LRPPRC: variants seen among roughly 807,000 people sequenced by gnomAD.
LRPPRC encodes leucine-rich PPR motif-containing protein, mitochondrial.
LRPPRC carries 120 observed loss-of-function variants against 180.3 expected under a neutral mutation model. The observed-to-expected ratio is 0.67, with a 90% CI of 0.57 to 0.77. The LOEUF (loss-of-function observed/expected upper bound fraction) is 0.77, where lower values mean the gene tolerates loss of function less well. Among genes scored for constraint, LRPPRC ranks in the 30% least tolerant of loss-of-function variants. LRPPRC has a pLI of 0.00. For synonymous variants in LRPPRC, 723 were observed against 600.0 expected, an observed-to-expected ratio of 1.21 and a Z score of -3.00; for missense variants, 2,012 against 1,657.2, an observed-to-expected ratio of 1.21 and a Z score of -3.72.
chr2:43,945,458 T>C, intron 21 of LRPPRC, 41 bp from the exon 22 acceptor site: 1 of 1,135,186 alleles, frequency 8.8e-7, no homozygotes, highest in Non-Finnish European at 1.3e-6. Context: ...TAAAAGTCAA[T>C]TAACTGCTAA....
intron 23 of LRPPRC, among the ~76,000 whole-genome samples, chr2:43,941,112 T>G (rs1022338993): frequency 1.3e-5 from 2 of 152,338 alleles, no homozygotes; most frequent in South Asian, 2.1e-4. Context: ...GGATTTCCCT[T>G]GGCAAATGAA....
At chr2:43,995,672 G>A (rs539241944) in intron 1 of LRPPRC, 127 bp downstream of exon 1, 1 of 908,602 alleles carries the variant, frequency 1.1e-6, no homozygotes, top group African/African-American at 1.8e-5. Flanking sequence ...GCGGAGCCCG[G>A]GGAGGCTAGG....
chr2:43,995,685 C>T lies in LRPPRC; in HGVS notation c.149+114G>A, dbSNP rs559282140. The T allele has an allele frequency of 2.8e-6, 3 of 1,072,274 alleles. No individual in the cohort carries two copies. In the East Asian group the frequency reaches 9.7e-5, roughly 35 times the overall value. The allele number at this position is 1,072,274 out of a possible 1,614,324, so 66.4% of individuals were successfully genotyped here. A position where few individuals can be genotyped will look rare whatever the true frequency, so the allele number is the denominator to read the frequency against. The stretch of plus-strand genomic sequence containing the variant: ...GTGCGGAGCCCGGGGAGGCTAGGTC[C>T]TGGGGCGGGGAGAAGGGTGGCGAGC... On this transcript the variant is annotated intron_variant, in intron 1 of 37. Transcript: ENST00000260665.
Position 43,960,586 on chromosome 2 carries a change from T to C in LRPPRC, c.1537A>G (p.Arg513Gly), listed in dbSNP as rs113363924. Residue 513 changes from arginine to glycine, a missense_variant, in exon 13 of 38, where the codon AGA becomes GGA. Physicochemically the swap from Arg to Gly is moderately radical, Grantham distance 125 (BLOSUM62 -2). Transcript: ENST00000260665. ...AAGTTCCCATTTGCTGCTTCACTTC[T>C]CAATCCAGCTTGAGAAAACATATCA... is the stretch of plus-strand genomic sequence containing the variant. Reference protein sequence around the residue: ...DSDMFSQAGLRSEAANGNLDF... With the variant: ...DSDMFSQAGLGSEAANGNLDF... 6.2e-7 allele frequency: 1 copy of C among 1,607,314 alleles called. No individual in the cohort carries two copies. Among genetic ancestry groups the C allele is most frequent in the South Asian group, 1.1e-5 (1 of 90,986 alleles).
chr2:43,947,151 CAT>C, intron 20 of LRPPRC, 104 bp downstream of exon 20: 2 of 619,504 alleles, frequency 3.2e-6, no homozygotes, highest in East Asian at 5.6e-5. Flanking sequence ...ACAAGCCTGA[CAT>C]ATAACGATCA....
chr2:43,991,038 T>TC (rs1674755681), intron 1 of LRPPRC, among the ~76,000 whole-genome samples: 1 of 150,758 alleles, frequency 6.6e-6, no homozygotes, highest in African/African-American at 2.4e-5. Flanking sequence ...TTTTATTTTT[T>TC]TTTTTTTTTG....
At chr2:43,985,165 ATT>A in intron 1 of LRPPRC, among the ~76,000 whole-genome samples, 1 of 152,006 alleles carries the variant, frequency 6.6e-6, no homozygotes, top group East Asian at 1.9e-4. Flanking sequence ...AATAAACACA[ATT>A]TTTTGATAAG....
At chr2:43,920,211 G>C (rs1157563995) in intron 27 of LRPPRC, among the ~76,000 whole-genome samples, 2 of 151,586 alleles carry the variant, frequency 1.3e-5, no homozygotes, top group Admixed American at 1.3e-4. Flanking sequence ...TCTCAGTTCA[G>C]TGTAACCTCC....
At chr2:43,975,244 A>ATTAT (rs1559043545) in intron 6 of LRPPRC, 27 bp from the exon 7 acceptor site, 1 of 1,605,316 alleles carries the variant, frequency 6.2e-7, no homozygotes, top group South Asian at 1.1e-5. Flanking sequence ...AAAACAGATT[A>ATTAT]TTATGCTTTT....
chr2:43,983,431 G>A (rs1674397867), intron 1 of LRPPRC, among the ~76,000 whole-genome samples: 1 of 151,844 alleles, frequency 6.6e-6, no homozygotes, highest in Non-Finnish European at 1.5e-5. Context: ...GGCTATTCTA[G>A]GTAAAAATAT....
intron 12 of LRPPRC, among the ~76,000 whole-genome samples, chr2:43,961,641 A>AC (rs1673351384): frequency 1.3e-5 from 2 of 152,244 alleles, no homozygotes; most frequent in Non-Finnish European, 2.9e-5. Context: ...TTAAAAATGT[A>AC]CTTTTTAATG....
At position 43,995,924 on chromosome 2, in the gene LRPPRC, C is replaced by G. The variant is rs1235320500; in HGVS notation, c.24G>C (p.Ala8=). The G allele has an allele frequency of 6.6e-7, 1 of 1,519,756 alleles. No homozygotes were observed. The highest frequency in any genetic ancestry group is 1.2e-5 in the South Asian group (1 of 82,508). The allele number at this position is 1,519,756 out of a possible 1,614,324, so 94.1% of individuals were successfully genotyped here. A position where few individuals can be genotyped will look rare whatever the true frequency, so the allele number is the denominator to read the frequency against. The change falls in exon 1 of 38, where the codon GCG becomes GCC. Residue 8 remains alanine, a synonymous_variant. Transcript: ENST00000260665. ...CCGCCCCGGCACGCAGCAACCAACG[C>G]GCGGATCTCAGCAGGGCTGCCATTG... MAALLRS[A]RWLLRAGAAP...
chr2:43,958,089 T>C (rs1673196234), intron 13 of LRPPRC, among the ~76,000 whole-genome samples: 2 of 152,358 alleles, frequency 1.3e-5, no homozygotes, highest in South Asian at 2.1e-4. Context: ...TATGTTTCAA[T>C]GCTGACATTA....
chr2:43,940,742 T>C (rs537248182), intron 23 of LRPPRC, among the ~76,000 whole-genome samples: 1 of 152,316 alleles, frequency 6.6e-6, no homozygotes, highest in Non-Finnish European at 1.5e-5. Context: ...TAATATCTGA[T>C]GGCCCAGACT....
chr2:43,911,376 T>A (rs1429396328), intron 30 of LRPPRC, among the ~76,000 whole-genome samples: 2 of 152,034 alleles, frequency 1.3e-5, no homozygotes, highest in Non-Finnish European at 2.9e-5. Flanking sequence ...TGCATAACTT[T>A]AGCAACACTA....
intron 36 of LRPPRC, among the ~76,000 whole-genome samples, chr2:43,893,177 G>A (rs1355324083): frequency 6.6e-6 from 1 of 152,132 alleles, no homozygotes; most frequent in Non-Finnish European, 1.5e-5. Flanking sequence ...CAAAGAAAGT[G>A]GTTTCTTGAG....
chr2:43,979,928 CATGA>C lies in LRPPRC; in HGVS notation c.363_366del (p.Ser121ArgfsTer16). The C allele has an allele frequency of 6.2e-7, 1 of 1,613,840 alleles. No individual in the cohort carries two copies. Among genetic ancestry groups the C allele is most frequent in the Non-Finnish European group, 8.5e-7 (1 of 1,179,806 alleles). On this transcript the variant is annotated frameshift_variant, in exon 3 of 38. Coordinates refer to ENST00000260665, the MANE Select transcript of LRPPRC (RefSeq NM_133259.4). LOFTEE classifies it high-confidence loss of function. Reference sequence around the variant, plus strand: ...CCACAACTACGTAGTAGAAGCAAGGCATGACTACCACCTAGGCCACCTGTGGAAA... The same window carrying C: ...CCACAACTACGTAGTAGAAGCAAGGCCTACCACCTAGGCCACCTGTGGAAA...
intron 1 of LRPPRC, among the ~76,000 whole-genome samples, chr2:43,993,846 G>A (rs1201811459): frequency 6.6e-6 from 1 of 152,004 alleles, no homozygotes; most frequent in East Asian, 1.9e-4. Flanking sequence ...TTGAGGTAAG[G>A]CTTCCCTGAA....
intron 1 of LRPPRC, among the ~76,000 whole-genome samples, chr2:43,988,895 G>A (rs1370511336): frequency 1.3e-5 from 2 of 151,736 alleles, no homozygotes; most frequent in Admixed American, 1.3e-4. Flanking sequence ...TTTGAGACAG[G>A]GTCTCATTCT....
Sources: allele counts gnomAD v4.1 joint callset (sites outside exome capture counted in the v4.1 genomes callset), GRCh38; gene constraint gnomAD v4.1.1; transcripts MANE v1.5; gene names NCBI Gene and HGNC (gene_info 2026-07-23, HGNC 2026-07-21).